The following KDM4C variants were observed in gnomAD, a reference collection of about 807,000 sequenced individuals.
The protein encoded by KDM4C is lysine demethylase 4C, also known as lysine-specific demethylase 4C.
A neutral mutation model predicts 129.3 loss-of-function variants in KDM4C; 81 were observed. The ratio of observed to expected loss-of-function variants is 0.63; its 90% CI spans 0.52 to 0.75. The LOEUF (loss-of-function observed/expected upper bound fraction) is 0.75. Among genes scored for constraint, KDM4C ranks in the 30% least tolerant of loss-of-function variants. The pLI, the probability that KDM4C is intolerant of heterozygous loss-of-function variation, is 0.00. For missense variants in KDM4C, 1,457 were observed against 1,304.0 expected (o/e 1.12, Z -1.81); for synonymous variants, 573 against 456.1 (o/e 1.26, Z -3.26).
intron 15 of KDM4C, among the ~76,000 whole-genome samples, chr9:7,038,128 A>G (rs1827964478): frequency 6.6e-6 from 1 of 152,110 alleles, no homozygotes; most frequent in Admixed American, 6.6e-5. Flanking sequence ...ATCTAATTAA[A>G]AGAAAATAGA....
At position 6,757,991 on chromosome 9, in the gene KDM4C, GC is replaced by G. The variant is rs1162142059; in HGVS notation, c.-228del. ...CGCAGGGAGAGCCGGCGGTGCGCGC[GC>G]CTTCGCCGCTGCCTCCCACCCACCC... On this transcript the variant is annotated 5_prime_UTR_variant, in exon 1 of 22. Transcript: ENST00000381309. The G allele has an allele frequency of 1.0e-6, 1 of 985,252 alleles. No individual in the cohort carries two copies. Among genetic ancestry groups the G allele is most frequent in the African/African-American group, 1.7e-5 (1 of 57,244 alleles). The allele number at this position is 985,252 out of a possible 1,614,324, so 61.0% of individuals were successfully genotyped here. A position where few individuals can be genotyped will look rare whatever the true frequency, so the allele number is the denominator to read the frequency against.
At chr9:6,982,508 G>A (rs1231530938) in intron 9 of KDM4C, 2 of 152,120 alleles carry the variant, frequency 1.3e-5, no homozygotes, top group Non-Finnish European at 2.9e-5. Flanking sequence ...GAGTATGTGT[G>A]TATGTGTGTA....
At chr9:7,132,410 G>T (rs1429194321) in intron 19 of KDM4C, among the ~76,000 whole-genome samples, 2 of 151,614 alleles carry the variant, frequency 1.3e-5, no homozygotes. Flanking sequence ...AACGCTCTTT[G>T]AACTATCAGG....
At chr9:6,961,493 T>C (rs1830043089) in intron 8 of KDM4C, among the ~76,000 whole-genome samples, 1 of 152,180 alleles carries the variant, frequency 6.6e-6, no homozygotes, top group South Asian at 2.1e-4. Context: ...GCATAAACTT[T>C]CTGTTTGTAA....
rs1209185053 is a variant in KDM4C at position 6,899,319 on chromosome 9, A to T, written c.921+6087A>T. On this transcript the variant is annotated intron_variant, in intron 8 of 21. Coordinates refer to ENST00000381309, the MANE Select transcript of KDM4C (RefSeq NM_015061.6). ...CATTTGTTACAAATAAAGAACCTAC[A>T]ATGATGCATCATTATCCCCCAATGT... is the stretch of plus-strand genomic sequence containing the variant. 2.0e-5 allele frequency among the ~76,000 whole-genome samples: 3 copies of T among 152,120 alleles called. No homozygotes were observed. In the East Asian group the frequency reaches 5.8e-4, roughly 29 times the overall value.
rs34853871 is a variant in KDM4C at position 7,020,913 on chromosome 9, C to CTTT, written c.2259+4995_2259+4997dup. 3.4e-3 allele frequency among the ~76,000 whole-genome samples: 483 copies of CTTT among 141,710 alleles called. 8 individuals carry two copies. The highest frequency in any genetic ancestry group is 0.029 in the East Asian group (140 of 4,892). 93.0% of individuals were successfully genotyped at this position (141,710 alleles called of 152,430 possible). On this transcript the variant is annotated intron_variant, in intron 15 of 21. Coordinates refer to ENST00000381309, the MANE Select transcript of KDM4C (RefSeq NM_015061.6). ...AGCAAATACTGTTTTATTCATTTTC[C>CTTT]TTTTTTTTTTTTTGTACCCATTAAC...
In KDM4C at chr9:7,165,283, G is replaced by A. The variant is rs1053075036; in HGVS notation, c.2827G>A (p.Val943Ile). The part of the protein sequence containing the change: ...KLGPPAEGEV[V>I]QVKWPDGKLY... ...GGGCCCACCTGCTGAGGGAGAAGTC[G>A]TCCAAGTCAAGTGGCCCGATGGCAA... is the stretch of plus-strand genomic sequence containing the variant. The change falls in exon 20 of 22, where the codon GTC becomes ATC. Residue 943 changes from valine to isoleucine, a missense_variant. Physicochemically the swap from Val to Ile is conservative, Grantham distance 29. Coordinates refer to ENST00000381309, the MANE Select transcript of KDM4C (RefSeq NM_015061.6). The A allele has an allele frequency of 1.3e-5, 21 of 1,614,026 alleles. No individual in the cohort carries two copies. The highest frequency in any genetic ancestry group is 5.5e-5 in the South Asian group (5 of 91,080).
At chr9:7,132,041 C>T (rs1056908639) in intron 19 of KDM4C, among the ~76,000 whole-genome samples, 1 of 152,228 alleles carries the variant, frequency 6.6e-6, no homozygotes, top group African/African-American at 2.4e-5. Context: ...CCCAATGTTA[C>T]TGGCTACTGA....
At chr9:6,872,599 T>C (rs1010817959) in intron 5 of KDM4C, among the ~76,000 whole-genome samples, 1 of 152,246 alleles carries the variant, frequency 6.6e-6, no homozygotes, top group African/African-American at 2.4e-5. Flanking sequence ...TCTTGTTGCA[T>C]TGATCCCTTT....
chr9:7,086,523 C>G (rs982809865), intron 17 of KDM4C, among the ~76,000 whole-genome samples: 2 of 152,190 alleles, frequency 1.3e-5, no homozygotes, highest in African/African-American at 4.8e-5. Flanking sequence ...GACGCCCACC[C>G]TCATTCTCAG....
Position 6,886,499 on chromosome 9 carries a change from C to CTT in KDM4C, c.680-1449_680-1448dup, listed in dbSNP as rs36095385. Among the ~76,000 whole-genome samples the CTT allele has an allele frequency of 8.6e-4, 115 of 133,176 alleles. 1 individual carries two copies. Among genetic ancestry groups the CTT allele is most frequent in the Middle Eastern group, 4.1e-3 (1 of 246 alleles). 87.4% of individuals were successfully genotyped at this position (133,176 alleles called of 152,430 possible). On this transcript the variant is annotated intron_variant, in intron 6 of 21. Transcript: ENST00000381309. Reference sequence around the variant, plus strand: ...GCCTAATTTTTTTTTTTCTTTTTTCCTTTTTTTTTTTTTGAGGAGTCTTAC... The same window carrying CTT: ...GCCTAATTTTTTTTTTTCTTTTTTCCTTTTTTTTTTTTTTTGAGGAGTCTTAC...
At chr9:6,855,225 C>T (rs1299861689) in intron 5 of KDM4C, among the ~76,000 whole-genome samples, 2 of 152,110 alleles carry the variant, frequency 1.3e-5, no homozygotes, top group African/African-American at 4.8e-5. Flanking sequence ...CTTTGGGAGG[C>T]TGAGGCGGGC....
At chr9:7,020,975 C>T (rs1824718256) in intron 15 of KDM4C, among the ~76,000 whole-genome samples, 1 of 150,364 alleles carries the variant, frequency 6.7e-6, no homozygotes, top group Non-Finnish European at 1.5e-5. Context: ...CCCTTCCTAG[C>T]CTCTGGTTAC....
At chr9:6,912,538 A>G (rs562343941) in intron 8 of KDM4C, among the ~76,000 whole-genome samples, 2 of 152,386 alleles carry the variant, frequency 1.3e-5, no homozygotes, top group East Asian at 3.9e-4. Context: ...ATGATCATTA[A>G]TGTATGTGAA....
chr9:6,835,925 C>T (rs187694049), intron 4 of KDM4C, among the ~76,000 whole-genome samples: 18 of 152,280 alleles, frequency 1.2e-4, no homozygotes, highest in African/African-American at 3.6e-4. Flanking sequence ...GCCTAGTCCT[C>T]CTCCGAGTCC....
intron 8 of KDM4C, among the ~76,000 whole-genome samples, chr9:6,954,524 T>A (rs1248625252): frequency 6.6e-6 from 1 of 152,214 alleles, no homozygotes; most frequent in Admixed American, 6.5e-5. Flanking sequence ...TCACGATGTG[T>A]TAGCCTGGGG....
At chr9:7,004,141 C>A (rs114639529) in intron 12 of KDM4C, among the ~76,000 whole-genome samples, 3 of 152,214 alleles carry the variant, frequency 2.0e-5, no homozygotes, top group Non-Finnish European at 4.4e-5. Flanking sequence ...CTTTTCTCAT[C>A]TGCTGAGTTC....
intron 18 of KDM4C, among the ~76,000 whole-genome samples, chr9:7,110,355 A>AT (rs888188752): frequency 2.1e-4 from 32 of 151,880 alleles, no homozygotes; most frequent in African/African-American, 5.6e-4. Context: ...GATAAATAGC[A>AT]TTTTTTTTCA....
chr9:7,081,875 A>T (rs1169173790), intron 17 of KDM4C, among the ~76,000 whole-genome samples: 4 of 152,154 alleles, frequency 2.6e-5, no homozygotes, highest in African/African-American at 9.7e-5. Context: ...AAGGGACAGG[A>T]TGAACATTAT....
Sources: allele counts gnomAD v4.1 joint callset (sites outside exome capture counted in the v4.1 genomes callset), GRCh38; gene constraint gnomAD v4.1.1; transcripts MANE v1.5; gene names NCBI Gene and HGNC (gene_info 2026-07-23, HGNC 2026-07-21).